CADM2: variants seen among roughly 807,000 people sequenced by gnomAD.
CADM2 encodes the protein immunoglobulin superfamily member 4D.
CADM2 carries 12 observed loss-of-function variants against 49.8 expected under a neutral mutation model. The ratio of observed to expected loss-of-function variants is 0.24; its 90% CI spans 0.15 to 0.39. The LOEUF (loss-of-function observed/expected upper bound fraction) is 0.39, where lower values mean the gene tolerates loss of function less well. Ranked by LOEUF, CADM2 falls within the 10% of genes least tolerant of loss-of-function variation. The pLI is 1.00. For missense variants in CADM2, 378 were observed against 492.3 expected, an observed-to-expected ratio of 0.77 and a Z score of 2.20; for synonymous variants, 214 against 175.4, an observed-to-expected ratio of 1.22 and a Z score of -1.74.
intron 8 of CADM2, among the ~76,000 whole-genome samples, chr3:86,064,950 C>T (rs537442275): frequency 6.6e-6 from 1 of 152,328 alleles, no homozygotes; most frequent in South Asian, 2.1e-4. Context: ...GTCTCAACCC[C>T]TGCTTTCCCG....
At chr3:85,174,569 C>G (rs2107690971) in intron 1 of CADM2, among the ~76,000 whole-genome samples, 1 of 151,256 alleles carries the variant, frequency 6.6e-6, no homozygotes, top group East Asian at 1.9e-4. Flanking sequence ...TTCAAGCATT[C>G]CTATTAAGGA....
At chr3:85,757,970 G>A (rs115961970) in intron 2 of CADM2, among the ~76,000 whole-genome samples, 2 of 152,134 alleles carry the variant, frequency 1.3e-5, no homozygotes, top group East Asian at 3.9e-4. Context: ...AGGATGTAAA[G>A]TACCACAGAC....
At position 86,072,664 on chromosome 3, in the gene CADM2, T is replaced by C. The variant is rs1703348713; in HGVS notation, c.*5881T>C. The stretch of plus-strand genomic sequence containing the variant: ...ATGCTTTCTTTCTTCAGATGCTTTT[T>C]CGTGTACATGATACTAGTAGACACT... On this transcript the variant is annotated 3_prime_UTR_variant, in exon 10 of 10. Coordinates refer to ENST00000383699, the MANE Select transcript of CADM2 (RefSeq NM_001167675.2). 1 of 152,032 alleles carries C rather than the reference T, an allele frequency of 6.6e-6. No individual in the cohort carries two copies. Among genetic ancestry groups the C allele is most frequent in the Admixed American group, 6.6e-5 (1 of 15,232 alleles). 9.4% of individuals were successfully genotyped at this position (152,032 alleles called of 1,614,324 possible). A position where few individuals can be genotyped will look rare whatever the true frequency, so the allele number is the denominator to read the frequency against.
rs1337866291 is a variant in CADM2 at position 85,866,970 on chromosome 3, T to C, written c.239-16321T>C. 2.0e-5 allele frequency among the ~76,000 whole-genome samples: 3 copies of C among 152,120 alleles called. 1 individual carries two copies. The highest frequency in any genetic ancestry group is 4.4e-5 in the Non-Finnish European group (3 of 67,996). On this transcript the variant is annotated intron_variant, in intron 3 of 9. Transcript: ENST00000383699. Reference sequence around the variant, plus strand: ...AATTTTTTAACAGGATAAGTTCTAGTAGAATGAATAACAGCATGAATTTCA... The same window carrying C: ...AATTTTTTAACAGGATAAGTTCTAGCAGAATGAATAACAGCATGAATTTCA...
At chr3:85,457,850 T>A (rs1393437903) in intron 1 of CADM2, among the ~76,000 whole-genome samples, 1 of 152,158 alleles carries the variant, frequency 6.6e-6, no homozygotes, top group Non-Finnish European at 1.5e-5. Flanking sequence ...TTTTGGACAC[T>A]TTTTTTAGGT....
intron 1 of CADM2, among the ~76,000 whole-genome samples, chr3:85,226,250 A>ATTTT (rs149057525): frequency 2.6e-4 from 38 of 145,630 alleles, no homozygotes; most frequent in African/African-American, 9.4e-4. Context: ...CTGGTCCTGG[A>ATTTT]TTTTTTTTTT....
At chr3:85,238,544 T>C (rs2042459673) in intron 1 of CADM2, among the ~76,000 whole-genome samples, 2 of 151,914 alleles carry the variant, frequency 1.3e-5, no homozygotes, top group South Asian at 4.1e-4. Flanking sequence ...GCTCTTTGAG[T>C]GTAGGGAAGG....
intron 1 of CADM2, among the ~76,000 whole-genome samples, chr3:85,011,150 C>T (rs2033975182): frequency 6.6e-6 from 1 of 151,862 alleles, no homozygotes; most frequent in African/African-American, 2.4e-5. Flanking sequence ...AGGCGTGAGC[C>T]ACCGCGCCCA....
chr3:86,013,515 A>T, intron 8 of CADM2: 1 of 1,604,734 alleles, frequency 6.2e-7, no homozygotes, highest in Non-Finnish European at 8.5e-7. Context: ...AACAGCAGTT[A>T]ACACGTTGTT....
At chr3:85,481,874 G>A (rs893255104) in intron 1 of CADM2, among the ~76,000 whole-genome samples, 8 of 148,414 alleles carry the variant, frequency 5.4e-5, no homozygotes, top group African/African-American at 2.0e-4. Flanking sequence ...CTCTATTGAT[G>A]TTATTCGTGT....
chr3:85,268,631 T>C lies in CADM2; in HGVS notation c.61+308963T>C, dbSNP rs556357916. 1.8e-3 allele frequency among the ~76,000 whole-genome samples: 271 copies of C among 151,282 alleles called. 1 individual carries two copies. Among genetic ancestry groups the C allele is most frequent in the African/African-American group, 6.3e-3 (261 of 41,298 alleles). ...TTAAAAATTGTAATGCAAACATACATATATACTCTCACTTAAAATTCAAAA... is the reference window on the plus strand; with the variant it reads ...TTAAAAATTGTAATGCAAACATACACATATACTCTCACTTAAAATTCAAAA... On this transcript the variant is annotated intron_variant, in intron 1 of 9. Coordinates refer to ENST00000383699, the MANE Select transcript of CADM2 (RefSeq NM_001167675.2).
intron 1 of CADM2, among the ~76,000 whole-genome samples, chr3:85,026,671 C>T (rs2107310004): frequency 6.6e-6 from 1 of 152,192 alleles, no homozygotes; most frequent in Middle Eastern, 3.4e-3. Flanking sequence ...ACCCCAAAAG[C>T]CAATGTACCA....
chr3:85,503,541 T>C (rs1405495315), intron 1 of CADM2, among the ~76,000 whole-genome samples: 2 of 152,220 alleles, frequency 1.3e-5, no homozygotes, highest in Non-Finnish European at 2.9e-5. Flanking sequence ...TATTATTTCT[T>C]TGAAGAATTG....
At chr3:85,090,538 C>A (rs912362222) in intron 1 of CADM2, among the ~76,000 whole-genome samples, 19 of 152,102 alleles carry the variant, frequency 1.2e-4, no homozygotes, top group African/African-American at 4.6e-4. Context: ...TGAGCACATT[C>A]TATTTGTCTA....
At chr3:86,043,009 G>T (rs1047046313) in intron 8 of CADM2, among the ~76,000 whole-genome samples, 3 of 152,086 alleles carry the variant, frequency 2.0e-5, no homozygotes, top group Non-Finnish European at 2.9e-5. Context: ...TGCAGAAAAG[G>T]CCTTTGATAA....
rs1179231392 is a variant in CADM2 at position 84,959,637 on chromosome 3, C to A, written c.30C>A (p.Arg10=). 8 of 1,537,158 alleles carry A rather than the reference C, an allele frequency of 5.2e-6. No individual in the cohort carries two copies. The highest frequency in any genetic ancestry group is 7.0e-6 in the Non-Finnish European group (8 of 1,146,904). Residue 10 remains arginine (R), a synonymous_variant, in exon 1 of 10, where the codon CGC becomes CGA. Transcript: ENST00000383699. The part of the protein sequence containing the change: MIWKRSAVL[R]FYSVCGLLLQ... ...TTTGGAAACGCAGCGCCGTTCTCCG[C>A]TTCTACAGTGTCTGCGGGCTCCTGC...
chr3:85,506,819 G>A (rs2040374682), intron 1 of CADM2, among the ~76,000 whole-genome samples: 1 of 151,936 alleles, frequency 6.6e-6, no homozygotes, highest in African/African-American at 2.4e-5. Context: ...AATAATTTTT[G>A]CACTACAATT....
chr3:85,575,982 G>A (rs984281877), intron 1 of CADM2, among the ~76,000 whole-genome samples: 1 of 152,014 alleles, frequency 6.6e-6, no homozygotes, highest in Non-Finnish European at 1.5e-5. Flanking sequence ...CATAACAGAG[G>A]TAATAATAGT....
intron 1 of CADM2, among the ~76,000 whole-genome samples, chr3:85,475,914 C>G (rs535249917): frequency 2.8e-4 from 42 of 151,796 alleles, no homozygotes; most frequent in African/African-American, 1.0e-3. Flanking sequence ...TAGAAATGCT[C>G]AAAATATTCA....
Sources: allele counts gnomAD v4.1 joint callset (sites outside exome capture counted in the v4.1 genomes callset), GRCh38; gene constraint gnomAD v4.1.1; transcripts MANE v1.5; gene names NCBI Gene and HGNC (gene_info 2026-07-23, HGNC 2026-07-21).